The following NELL1 variants were observed in gnomAD, a reference collection of about 807,000 sequenced individuals.
NELL1 encodes the protein neural EGFL like 1.
A neutral mutation model predicts 107.4 loss-of-function variants in NELL1; 76 were observed. The ratio of observed to expected loss-of-function variants is 0.71; its 90% CI spans 0.59 to 0.86. The LOEUF (loss-of-function observed/expected upper bound fraction) is 0.86, where lower values mean the gene tolerates loss of function less well. Among genes scored for constraint, NELL1 ranks in the 40% least tolerant of loss-of-function variants. The probability of loss-of-function intolerance (pLI) is 0.00; values close to 1 mark genes in which losing one functional copy is unlikely to be tolerated. For synonymous variants in NELL1, 353 were observed against 341.2 expected (o/e 1.03, Z -0.38); for missense variants, 1,024 against 1,005.5 (o/e 1.02, Z -0.25).
intron 15 of NELL1, among the ~76,000 whole-genome samples, chr11:21,384,668 T>G (rs1372579454): frequency 6.6e-6 from 1 of 151,836 alleles, no homozygotes; most frequent in Non-Finnish European, 1.5e-5. Context: ...CATTGTTCAA[T>G]TCCCACCTAT....
At chr11:20,740,152 A>G (rs1312146367) in intron 2 of NELL1, among the ~76,000 whole-genome samples, 1 of 152,112 alleles carries the variant, frequency 6.6e-6, no homozygotes, top group Non-Finnish European at 1.5e-5. Flanking sequence ...CTCAATGCTT[A>G]TAACAACCCC....
chr11:20,752,461 A>G (rs2133946706), intron 2 of NELL1, among the ~76,000 whole-genome samples: 1 of 152,332 alleles, frequency 6.6e-6, no homozygotes, highest in East Asian at 1.9e-4. Flanking sequence ...AGGCAGGAGA[A>G]TCACTTGAAC....
chr11:20,680,302 T>C lies in NELL1; in HGVS notation c.184+2242T>C, dbSNP rs574511721. Among the ~76,000 whole-genome samples the C allele has an allele frequency of 2.0e-5, 3 of 152,256 alleles. 1 individual carries two copies. The Middle Eastern group carries it at 0.01, about 518-fold the overall frequency. On this transcript the variant is annotated intron_variant, in intron 2 of 19. Coordinates refer to ENST00000357134, the MANE Select transcript of NELL1 (RefSeq NM_006157.5). ...CCTCTAGATCCCAAGGATTCATGTCTGTCCCACATGCAAAATACATTCACC... is the reference window on the plus strand; with the variant it reads ...CCTCTAGATCCCAAGGATTCATGTCCGTCCCACATGCAAAATACATTCACC...
chr11:21,309,232 TA>T (rs1160233242), intron 14 of NELL1, among the ~76,000 whole-genome samples: 13 of 137,196 alleles, frequency 9.5e-5, no homozygotes, highest in Non-Finnish European at 1.5e-4. Flanking sequence ...TAAAGCCTAT[TA>T]AAAAAACCCA....
rs547310506 is a variant in NELL1 at position 20,992,917 on chromosome 11, G to A, written c.1300+32357G>A. ...TTAAGTAGAGACGGGGTTTCACCAT[G>A]TTGGCCAGGATGGTCTCAATCTCTT... On this transcript the variant is annotated intron_variant, in intron 12 of 19. Transcript: ENST00000357134. 1.2e-3 allele frequency among the ~76,000 whole-genome samples: 190 copies of A among 152,036 alleles called. 2 individuals are homozygous for A. Among genetic ancestry groups the A allele is most frequent in the Admixed American group, 0.012 (180 of 15,266 alleles).
At chr11:21,045,964 T>C (rs778317827) in intron 12 of NELL1, among the ~76,000 whole-genome samples, 3 of 152,222 alleles carry the variant, frequency 2.0e-5, no homozygotes, top group Non-Finnish European at 4.4e-5. Flanking sequence ...GTTGTGCTGC[T>C]AATATGGTGA....
At chr11:20,724,134 A>G (rs1855456860) in intron 2 of NELL1, among the ~76,000 whole-genome samples, 1 of 152,058 alleles carries the variant, frequency 6.6e-6, no homozygotes, top group Non-Finnish European at 1.5e-5. Flanking sequence ...TTTCCCTCCT[A>G]GGCCTTGGGC....
In NELL1 at chr11:21,511,285, T is replaced by C. The variant is rs529006202; in HGVS notation, c.1646-23089T>C. 2.0e-5 allele frequency among the ~76,000 whole-genome samples: 3 copies of C among 152,350 alleles called. No individual in the cohort carries two copies. The East Asian group carries it at 5.8e-4, about 29-fold the overall frequency. On this transcript the variant is annotated intron_variant, in intron 15 of 19. Transcript: ENST00000357134. ...CATGTTTACTTCCTCTAACCCATCCTAGTTTCCTACAACTTTCTTATTTGT... is the reference window on the plus strand; with the variant it reads ...CATGTTTACTTCCTCTAACCCATCCCAGTTTCCTACAACTTTCTTATTTGT...
At chr11:20,959,250 A>G (rs1271054567) in intron 11 of NELL1, among the ~76,000 whole-genome samples, 1 of 152,202 alleles carries the variant, frequency 6.6e-6, no homozygotes, top group Non-Finnish European at 1.5e-5. Flanking sequence ...ACCATGGAAA[A>G]CAGTGTGGAG....
intron 14 of NELL1, among the ~76,000 whole-genome samples, chr11:21,236,254 T>C (rs1483462209): frequency 6.6e-6 from 1 of 152,206 alleles, no homozygotes; most frequent in Admixed American, 6.6e-5. Context: ...CAATGTATTA[T>C]GTCTTGTTAA....
intron 12 of NELL1, among the ~76,000 whole-genome samples, chr11:21,093,994 G>A (rs1401168738): frequency 6.6e-6 from 1 of 152,104 alleles, no homozygotes; most frequent in Non-Finnish European, 1.5e-5. Flanking sequence ...ACTCATTTTA[G>A]CATTAACTCA....
chr11:20,853,107 C>T (rs1201478495), intron 4 of NELL1, among the ~76,000 whole-genome samples: 3 of 152,292 alleles, frequency 2.0e-5, no homozygotes, highest in East Asian at 1.9e-4. Context: ...GTACCAGTCA[C>T]ATGAGTCAGG....
chr11:21,231,483 G>A (rs556773059), intron 14 of NELL1, among the ~76,000 whole-genome samples: 8 of 152,244 alleles, frequency 5.3e-5, no homozygotes, highest in East Asian at 1.9e-4. Context: ...AAACAAAAAC[G>A]TTAATGTAAT....
chr11:21,156,766 T>G (rs757139309), intron 13 of NELL1, among the ~76,000 whole-genome samples: 21 of 152,018 alleles, frequency 1.4e-4, no homozygotes, highest in Non-Finnish European at 2.2e-4. Context: ...ATGCTGAGAC[T>G]TAAGGGTAAA....
At chr11:21,110,015 T>C (rs1855068411) in intron 12 of NELL1, among the ~76,000 whole-genome samples, 1 of 152,138 alleles carries the variant, frequency 6.6e-6, no homozygotes, top group Non-Finnish European at 1.5e-5. Context: ...TTTTATCTTC[T>C]TGTTTCAAGA....
At chr11:20,930,548 T>C (rs1482489518) in intron 9 of NELL1, among the ~76,000 whole-genome samples, 2 of 152,198 alleles carry the variant, frequency 1.3e-5, no homozygotes, top group Admixed American at 6.5e-5. Context: ...ATGTTTTGTA[T>C]AGAAAACACA....
intron 11 of NELL1, among the ~76,000 whole-genome samples, chr11:20,947,799 T>C (rs1352484380): frequency 1.3e-5 from 2 of 152,154 alleles, no homozygotes; most frequent in African/African-American, 4.8e-5. Flanking sequence ...ATGAGTGAGA[T>C]TGGGAAGCAT....
intron 16 of NELL1, among the ~76,000 whole-genome samples, chr11:21,551,879 A>G (rs1488159092): frequency 8.0e-5 from 12 of 149,892 alleles, no homozygotes; most frequent in Admixed American, 6.0e-4. Context: ...AAAGACTTGG[A>G]ACCAACCCAA....
intron 14 of NELL1, 104 bp downstream of exon 14, chr11:21,229,558 G>A: frequency 4.1e-6 from 6 of 1,472,608 alleles, no homozygotes; most frequent in Non-Finnish European, 5.6e-6. Context: ...AACACAGCCA[G>A]GGTTCCTGCT....
Sources: gnomAD v4.1 joint callset for allele counts (sites outside exome capture counted in the v4.1 genomes callset) on GRCh38, gnomAD v4.1.1 for gene constraint, MANE v1.5 for transcripts, NCBI Gene and HGNC (gene_info 2026-07-23, HGNC 2026-07-21) for gene names.